Variants in DRD3 observed in about 807,000 individuals in gnomAD.
DRD3 encodes D(3) dopamine receptor.
Under a neutral mutation model 36.3 loss-of-function variants are expected in DRD3, and 19 were observed. The observed-to-expected ratio is 0.52, with a 90% CI of 0.36 to 0.77. DRD3 has a LOEUF of 0.77. Ranked by LOEUF, DRD3 falls within the 30% of genes least tolerant of loss-of-function variation. DRD3 has a pLI of 0.00. For missense variants in DRD3, 465 were observed against 505.3 expected, an observed-to-expected ratio of 0.92 and a Z score of 0.77; for synonymous variants, 195 against 203.7, an observed-to-expected ratio of 0.96 and a Z score of 0.36.
At chr3:114,193,626 G>A (rs2078023164) in intron 1 of DRD3, among the ~76,000 whole-genome samples, 1 of 152,194 alleles carries the variant, frequency 6.6e-6, no homozygotes, top group Non-Finnish European at 1.5e-5. Context: ...AGTAAGGGAG[G>A]AAGAGGAGGA....
At chr3:114,176,388 A>G (rs918100549) in intron 1 of DRD3, among the ~76,000 whole-genome samples, 1 of 152,118 alleles carries the variant, frequency 6.6e-6, no homozygotes. Flanking sequence ...ACTTGAGGCC[A>G]GGAGTTTGAG....
At chr3:114,198,627 T>C (rs2078049435) in intron 1 of DRD3, among the ~76,000 whole-genome samples, 1 of 152,180 alleles carries the variant, frequency 6.6e-6, no homozygotes, top group African/African-American at 2.4e-5. Flanking sequence ...TTTATTTCTT[T>C]CTAATTGGCT....
rs1277773982 is a variant in DRD3, at chr3:114,171,936, G to T, written c.57C>A (p.Asn19Lys). 3 of 1,589,758 alleles carry T rather than the reference G, an allele frequency of 1.9e-6. No homozygotes were observed. Among genetic ancestry groups the T allele is most frequent in the Non-Finnish European group, 2.6e-6 (3 of 1,167,388 alleles). The change falls in exon 2 of 7, where the codon AAC (asparagine) becomes AAA (lysine). Residue 19 changes from asparagine (N) to lysine (K), a missense_variant. By Grantham distance (94) the Asn-to-Lys change is moderately conservative. Transcript: ENST00000383673. The part of the protein sequence containing the change: ...GHLNYTCGAE[N>K]STGASQARPH... ...GGCGGGCCTGGCTGGCACCTGTGGA[G>T]TTCTCTGCCCCACAGGTGTAGTTCA...
intron 1 of DRD3, among the ~76,000 whole-genome samples, chr3:114,184,550 T>C (rs1255062221): frequency 1.3e-5 from 2 of 152,024 alleles, no homozygotes; most frequent in Non-Finnish European, 2.9e-5. Flanking sequence ...TACTGTCTAA[T>C]GTCCTTTCAT....
intron 4 of DRD3, among the ~76,000 whole-genome samples, chr3:114,141,850 G>C (rs2077527101): frequency 2.0e-5 from 3 of 151,984 alleles, no homozygotes; most frequent in Non-Finnish European, 4.4e-5. Flanking sequence ...AGGAGTTCGA[G>C]ACGAGCCTGA....
At chr3:114,175,083 G>A (rs1484181188) in intron 1 of DRD3, among the ~76,000 whole-genome samples, 1 of 152,044 alleles carries the variant, frequency 6.6e-6, no homozygotes, top group Non-Finnish European at 1.5e-5. Context: ...ATTGTGGGGG[G>A]TTTAACAGCA....
At chr3:114,149,279 G>T in intron 3 of DRD3, among the ~76,000 whole-genome samples, 1 of 152,226 alleles carries the variant, frequency 6.6e-6, no homozygotes, top group Non-Finnish European at 1.5e-5. Flanking sequence ...GGAAGTGAGT[G>T]ATACGAGAGG....
chr3:114,170,911 C>T (rs1265293361), intron 2 of DRD3, among the ~76,000 whole-genome samples: 1 of 152,062 alleles, frequency 6.6e-6, no homozygotes, highest in East Asian at 1.9e-4. Context: ...TAAGTAATTG[C>T]ATGTTTTCCT....
At chr3:114,147,355 C>A in intron 4 of DRD3, 60 bp downstream of exon 4, 1 of 1,582,852 alleles carries the variant, frequency 6.3e-7, no homozygotes, top group South Asian at 1.1e-5. Flanking sequence ...CAACTCACAG[C>A]CAGTCATTCA....
At chr3:114,154,801 A>C (rs527319679) in intron 3 of DRD3, among the ~76,000 whole-genome samples, 1 of 152,026 alleles carries the variant, frequency 6.6e-6, no homozygotes, top group South Asian at 2.1e-4. Flanking sequence ...AATTCTCACC[A>C]CTTGGTCGTG....
In DRD3 at chr3:114,171,904, G is replaced by A. The variant is rs774001173; in HGVS notation, c.89C>T (p.Ala30Val). The change falls in exon 2 of 7, where the codon GCC becomes GTC. Residue 30 changes from alanine to valine, a missense_variant. Ala to Val is a moderately conservative substitution (Grantham distance 64). Transcript: ENST00000383673. ...CGCGCAGTAGGAGAGGGCATAGTAG[G>A]CATGTGGGCGGGCCTGGCTGGCACC... ...STGASQARPH[A>V]YYALSYCALI... 6.2e-7 allele frequency: 1 copy of A among 1,610,304 alleles called. No homozygotes were observed. The highest frequency in any genetic ancestry group is 8.5e-7 in the Non-Finnish European group (1 of 1,177,954).
intron 4 of DRD3, among the ~76,000 whole-genome samples, chr3:114,143,086 C>A (rs547108623): frequency 2.3e-4 from 35 of 152,346 alleles, no homozygotes; most frequent in Non-Finnish European, 3.7e-4. Context: ...TAATGCCCCC[C>A]AGAAGCTGAC....
intron 3 of DRD3, among the ~76,000 whole-genome samples, chr3:114,157,362 C>A (rs1016468376): frequency 9.9e-5 from 15 of 151,980 alleles, no homozygotes; most frequent in Non-Finnish European, 1.5e-4. Context: ...CCTCAATCCC[C>A]CTTTTCAATT....
At chr3:114,145,452 A>C (rs950710711) in intron 4 of DRD3, among the ~76,000 whole-genome samples, 1 of 152,226 alleles carries the variant, frequency 6.6e-6, no homozygotes, top group Non-Finnish European at 1.5e-5. Flanking sequence ...CGCAAAGATA[A>C]CATCACCATA....
intron 2 of DRD3, among the ~76,000 whole-genome samples, chr3:114,164,113 T>A (rs1467827408): frequency 6.8e-6 from 1 of 146,058 alleles, no homozygotes; most frequent in Non-Finnish European, 1.5e-5. Flanking sequence ...CCTACCTACT[T>A]GGGAAGCTGA....
intron 4 of DRD3, among the ~76,000 whole-genome samples, chr3:114,140,550 C>T (rs1161132736): frequency 6.6e-6 from 1 of 152,146 alleles, no homozygotes; most frequent in East Asian, 1.9e-4. Flanking sequence ...CCCCTTATCC[C>T]ACCTAATAAT....
rs1559990967 is a variant in DRD3 at position 114,156,753 on chromosome 3, TTCTTTCTTTCTTTCTTTC to T, written c.383+2984_383+3001del. On this transcript the variant is annotated intron_variant, in intron 3 of 6. Transcript: ENST00000383673. ...TCTTTCTTTCTTTCTTTTTCTTTCTTTCTTTCTTTCTTTCTTTCTTTCTTTCTTTCTTTCTTTCTTTCT... is the reference window on the plus strand; with the variant it reads ...TCTTTCTTTCTTTCTTTTTCTTTCTTTTTCTTTCTTTCTTTCTTTCTTTCT... 2.4e-4 allele frequency among the ~76,000 whole-genome samples: 24 copies of T among 99,478 alleles called. 1 individual carries two copies. The highest frequency in any genetic ancestry group is 8.7e-4 in the African/African-American group (23 of 26,460). The allele number at this position is 99,478 out of a possible 152,430, so 65.3% of individuals were successfully genotyped here.
At chr3:114,165,719 T>C (rs1401269093) in intron 2 of DRD3, among the ~76,000 whole-genome samples, 2 of 152,136 alleles carry the variant, frequency 1.3e-5, no homozygotes, top group African/African-American at 4.8e-5. Context: ...CCATTTTTGT[T>C]TGCCACATTT....
chr3:114,198,802 A>T (rs2078050235), intron 1 of DRD3, among the ~76,000 whole-genome samples: 1 of 152,042 alleles, frequency 6.6e-6, no homozygotes, highest in Non-Finnish European at 1.5e-5. Context: ...TAGTGGCATG[A>T]TCATACCTCA....
Sources: allele counts gnomAD v4.1 joint callset (sites outside exome capture counted in the v4.1 genomes callset), GRCh38; gene constraint gnomAD v4.1.1; transcripts MANE v1.5; gene names NCBI Gene and HGNC (gene_info 2026-07-23, HGNC 2026-07-21).